CERS4: variants seen among roughly 807,000 people sequenced by gnomAD.
CERS4 encodes the protein LAG1 homolog, ceramide synthase 4.
Under a neutral mutation model 51.8 loss-of-function variants are expected in CERS4, and 65 were observed. That is an observed-to-expected ratio of 1.26 (90% CI 1.03 to 1.54). The LOEUF is 1.54. CERS4 is among the 40% of genes most tolerant of loss of function. The pLI, the probability that CERS4 is intolerant of heterozygous loss-of-function variation, is 0.00. For missense variants in CERS4, 563 were observed against 500.4 expected (o/e 1.13, Z -1.19); for synonymous variants, 228 against 208.4 (o/e 1.09, Z -0.81).
intron 2 of CERS4, among the ~76,000 whole-genome samples, chr19:8,228,806 T>G (rs182787263): frequency 1.7e-3 from 257 of 149,954 alleles, no homozygotes; most frequent in African/African-American, 6.0e-3. Context: ...AGAGGATCAC[T>G]TGAGATCAGG....
At chr19:8,254,728 C>T in intron 4 of CERS4, 112 bp downstream of exon 4, 3 of 830,166 alleles carry the variant, frequency 3.6e-6, no homozygotes, top group South Asian at 1.5e-5. Flanking sequence ...TGCAGGCACC[C>T]CTGCAATGCC....
intron 6 of CERS4, 139 bp from the exon 7 acceptor site, chr19:8,256,097 A>G: frequency 5.8e-6 from 6 of 1,028,154 alleles, no homozygotes; most frequent in Middle Eastern, 2.1e-4. Context: ...CCCCCAGTCG[A>G]GAGTGAGAAG....
At chr19:8,245,135 A>C (rs1288959585) in intron 2 of CERS4, among the ~76,000 whole-genome samples, 1 of 150,092 alleles carries the variant, frequency 6.7e-6, no homozygotes, top group Non-Finnish European at 1.5e-5. Context: ...AAAAAAAAAA[A>C]CACTCTTGGC....
chr19:8,238,551 C>G, intron 2 of CERS4: 1 of 985,320 alleles, frequency 1.0e-6, no homozygotes, highest in Non-Finnish European at 1.2e-6. Context: ...ACAGATGATT[C>G]CAGAAGGGTA....
At chr19:8,235,165 T>C (rs749279430) in intron 2 of CERS4, among the ~76,000 whole-genome samples, 3 of 148,194 alleles carry the variant, frequency 2.0e-5, no homozygotes, top group Non-Finnish European at 3.0e-5. Flanking sequence ...CACACCACCA[T>C]GCCTGGCTAA....
At chr19:8,251,446 T>A (rs1456799230) in intron 3 of CERS4, among the ~76,000 whole-genome samples, 197 bp downstream of exon 3, 2 of 152,044 alleles carry the variant, frequency 1.3e-5, no homozygotes, top group Non-Finnish European at 1.5e-5. Flanking sequence ...ATAGGAACAC[T>A]GACTGCAGCT....
intron 2 of CERS4, among the ~76,000 whole-genome samples, chr19:8,211,914 T>C (rs1408717283): frequency 1.6e-5 from 2 of 125,010 alleles, no homozygotes; most frequent in African/African-American, 6.1e-5. Context: ...AAAAAAAAAA[T>C]TCAGAGTCAT....
chr19:8,243,464 G>A (rs995729655), intron 2 of CERS4, among the ~76,000 whole-genome samples: 8 of 152,196 alleles, frequency 5.3e-5, no homozygotes, highest in Admixed American at 2.6e-4. Flanking sequence ...CCTGGGCCTC[G>A]TTGTAGGTCT....
intron 1 of CERS4, chr19:8,209,864 G>A (rs1352949095): frequency 2.6e-5 from 4 of 152,356 alleles, no homozygotes; most frequent in East Asian, 1.9e-4. Flanking sequence ...TGGCCTCGGA[G>A]TCCGCAGCCC....
intron 2 of CERS4, among the ~76,000 whole-genome samples, chr19:8,231,674 G>A (rs372480223): frequency 7.9e-5 from 12 of 151,614 alleles, no homozygotes; most frequent in African/African-American, 2.2e-4. Context: ...TCAGCCTCCC[G>A]AGTAGCTGGG....
intron 2 of CERS4, among the ~76,000 whole-genome samples, chr19:8,223,238 G>A (rs1967637212): frequency 1.3e-5 from 2 of 151,890 alleles, no homozygotes; most frequent in South Asian, 4.2e-4. Context: ...ATCCTGTTGA[G>A]GCATCAGGAT....
intron 2 of CERS4, among the ~76,000 whole-genome samples, chr19:8,218,147 T>A (rs985921171): frequency 1.3e-5 from 2 of 152,056 alleles, no homozygotes. Context: ...GTATTTTTAG[T>A]AGAGATGAGG....
chr19:8,250,215 T>G (rs1969006561), intron 2 of CERS4, among the ~76,000 whole-genome samples: 2 of 152,092 alleles, frequency 1.3e-5, no homozygotes, highest in Admixed American at 1.3e-4. Context: ...CCTGAAGTGA[T>G]CTGCCCACCT....
chr19:8,260,400 G>T (rs1203990460), intron 10 of CERS4, among the ~76,000 whole-genome samples: 4 of 146,978 alleles, frequency 2.7e-5, no homozygotes, highest in Admixed American at 6.8e-5. Flanking sequence ...AGAGATGGGG[G>T]TTTCACCATG....
Position 8,256,297 on chromosome 19 carries a change from G to A in CERS4, c.519+11G>A, listed in dbSNP as rs186859534. ...AGGTACCCAAACCAGGTGAGTGGCAGAGTGTGTGTGAATGCTTGGAGGGTG... is the reference window on the plus strand; with the variant it reads ...AGGTACCCAAACCAGGTGAGTGGCAAAGTGTGTGTGAATGCTTGGAGGGTG... On this transcript the variant is annotated intron_variant, in intron 7 of 11. Coordinates refer to ENST00000251363, the MANE Select transcript of CERS4 (RefSeq NM_024552.3). 6 of 1,403,186 alleles carry A rather than the reference G, an allele frequency of 4.3e-6. No individual in the cohort carries two copies. Among genetic ancestry groups the A allele is most frequent in the Admixed American group, 1.9e-5 (1 of 53,912 alleles). 86.9% of individuals were successfully genotyped at this position (1,403,186 alleles called of 1,614,324 possible).
chr19:8,210,816 G>A lies in CERS4; in HGVS notation c.-48G>A, dbSNP rs1967054767. ...AGCCAGGCGTGGAGGAAGAGGCATT[G>A]AGGACTTTCCTTACCTGTTTTTCCA... is the stretch of plus-strand genomic sequence containing the variant. On this transcript the variant is annotated 5_prime_UTR_variant, in exon 2 of 12. Transcript: ENST00000251363. This position sits in a 1 kb window ranked among gnomAD's most constrained non-coding sequence, Gnocchi z 4.2. 6.6e-6 allele frequency: 1 copy of A among 152,282 alleles called. No individual in the cohort carries two copies. 9.4% of individuals were successfully genotyped at this position (152,282 alleles called of 1,614,324 possible). A position where few individuals can be genotyped will look rare whatever the true frequency, so the allele number is the denominator to read the frequency against.
intron 2 of CERS4, among the ~76,000 whole-genome samples, chr19:8,226,401 G>A (rs368564682): frequency 1.3e-5 from 2 of 152,122 alleles, no homozygotes; most frequent in East Asian, 1.9e-4. Context: ...GTCTGGCTTT[G>A]CACCTGCTTG....
intron 3 of CERS4, among the ~76,000 whole-genome samples, chr19:8,252,087 T>C (rs989243679): frequency 1.3e-5 from 2 of 149,810 alleles, no homozygotes; most frequent in African/African-American, 4.9e-5. Flanking sequence ...ATACAAAAAT[T>C]AGGCTGGGTG....
At chr19:8,236,348 A>C (rs569134780) in intron 2 of CERS4, among the ~76,000 whole-genome samples, 4 of 152,062 alleles carry the variant, frequency 2.6e-5, no homozygotes, top group African/African-American at 9.7e-5. Flanking sequence ...TGGAGGGGGA[A>C]CTCTGTATAT....
Sources: allele counts gnomAD v4.1 joint callset (sites outside exome capture counted in the v4.1 genomes callset), GRCh38; gene constraint gnomAD v4.1.1; non-coding constraint Gnocchi (gnomAD v3.1); transcripts MANE v1.5; gene names NCBI Gene and HGNC (gene_info 2026-07-23, HGNC 2026-07-21).